Variants in XKR6 observed in about 807,000 individuals in gnomAD.
XKR6 encodes XK-related protein 6.
A neutral mutation model predicts 56.7 loss-of-function variants in XKR6; 22 were observed. The observed-to-expected ratio is 0.39, with a 90% CI of 0.28 to 0.55. The LOEUF is 0.55. Among genes scored for constraint, XKR6 ranks in the 20% least tolerant of loss-of-function variants. XKR6 has a pLI of 0.66. For missense variants in XKR6, 852 were observed against 889.0 expected, an observed-to-expected ratio of 0.96 and a Z score of 0.53; for synonymous variants, 524 against 387.8, an observed-to-expected ratio of 1.35 and a Z score of -4.13.
At chr8:10,999,648 A>C (rs1287096703) in intron 1 of XKR6, among the ~76,000 whole-genome samples, 1 of 152,210 alleles carries the variant, frequency 6.6e-6, no homozygotes, top group African/African-American at 2.4e-5. Context: ...AGTTCTAAAA[A>C]AGGATGTTCT....
chr8:11,200,841 A>G lies in XKR6; in HGVS notation c.499T>C (p.Phe167Leu). Residue 167 changes from phenylalanine (F) to leucine (L), a missense_variant, in exon 1 of 3, where the codon TTC becomes CTC. Coordinates refer to ENST00000416569, the MANE Select transcript of XKR6 (RefSeq NM_173683.4). This position sits in a 1 kb window ranked among gnomAD's most constrained non-coding sequence, Gnocchi z 6.4. ...AGCAGCGACGGCACCAGCACGAAGA[A>G]GAGGGTCAGCCCGAAGTAGACGTAG... The part of the protein sequence containing the change: ...GDYVYFGLTL[F>L]FVLVPSLLVQ... The G allele has an allele frequency of 6.2e-7, 1 of 1,612,070 alleles. No homozygotes were observed. The highest frequency in any genetic ancestry group is 1.1e-5 in the South Asian group (1 of 91,002).
intron 1 of XKR6, chr8:11,108,093 C>T (rs761508440): frequency 9.0e-6 from 3 of 333,082 alleles, no homozygotes; most frequent in African/African-American, 6.6e-5. Flanking sequence ...AATCCCAGAT[C>T]CGAAAACAGA....
Position 10,898,337 on chromosome 8 carries a change from G to A in XKR6, c.1541C>T (p.Ala514Val). The part of the protein sequence containing the change: ...RAKILASSCC[A>V]ELLWGIPLPP... The stretch of plus-strand genomic sequence containing the variant: ...CAAAGGGATGCCCCAGAGCAGCTCG[G>A]CACAACAGGAGCTGGCAAGGATCTT... Residue 514 changes from alanine to valine, a missense_variant, in exon 3 of 3, where the codon GCC becomes GTC. By Grantham distance (64) the Ala-to-Val change is moderately conservative. This residue lies in a region of XKR6 where 197 missense variants were observed against 190.9 expected (regional missense o/e 1.03). Coordinates refer to ENST00000416569, the MANE Select transcript of XKR6 (RefSeq NM_173683.4). This position sits in a 1 kb window ranked among gnomAD's most constrained non-coding sequence, Gnocchi z 6.6. 2 of 1,613,910 alleles carry A rather than the reference G, an allele frequency of 1.2e-6. No homozygotes were observed. Among genetic ancestry groups the A allele is most frequent in the East Asian group, 2.2e-5 (1 of 44,850 alleles).
intron 1 of XKR6, among the ~76,000 whole-genome samples, chr8:11,193,365 C>G (rs369455573): frequency 6.6e-6 from 1 of 151,994 alleles, no homozygotes; most frequent in East Asian, 1.9e-4. Context: ...CTGTAAAATA[C>G]CATAGGGTGC....
intron 1 of XKR6, among the ~76,000 whole-genome samples, chr8:11,136,143 G>A (rs1800380788): frequency 6.6e-6 from 1 of 152,174 alleles, no homozygotes; most frequent in Non-Finnish European, 1.5e-5. Context: ...AAAAAAGGAT[G>A]AAAAGCTTTA....
chr8:11,078,984 T>C (rs564094394), intron 1 of XKR6, among the ~76,000 whole-genome samples: 1 of 152,122 alleles, frequency 6.6e-6, no homozygotes, highest in Admixed American at 6.5e-5. Flanking sequence ...TCAGGACCAC[T>C]CCGGGGCGAG....
chr8:11,112,709 G>A (rs1211157773), intron 1 of XKR6, among the ~76,000 whole-genome samples: 4 of 152,158 alleles, frequency 2.6e-5, no homozygotes, highest in Non-Finnish European at 4.4e-5. Flanking sequence ...AAGCTGGCCT[G>A]GGGAAGCAGA....
intron 1 of XKR6, among the ~76,000 whole-genome samples, chr8:10,965,658 T>C (rs1484998527): frequency 6.6e-6 from 1 of 152,208 alleles, no homozygotes; most frequent in Non-Finnish European, 1.5e-5. Context: ...GAAGGCTTGG[T>C]GCCCGGAAGC....
At chr8:10,917,296 G>C (rs547753256) in intron 2 of XKR6, among the ~76,000 whole-genome samples, 1 of 152,102 alleles carries the variant, frequency 6.6e-6, no homozygotes, top group African/African-American at 2.4e-5. Flanking sequence ...TCTGTGCTTC[G>C]GCTTCCCTGT....
At chr8:10,978,019 C>G (rs936919241) in intron 1 of XKR6, among the ~76,000 whole-genome samples, 1 of 152,034 alleles carries the variant, frequency 6.6e-6, no homozygotes, top group African/African-American at 2.4e-5. Context: ...ACATTATAAA[C>G]CTAGTGGGTC....
chr8:10,918,283 T>C (rs1027802661), intron 2 of XKR6, among the ~76,000 whole-genome samples: 3 of 152,224 alleles, frequency 2.0e-5, no homozygotes, highest in African/African-American at 7.2e-5. Context: ...GGCTTCCCCC[T>C]GAGTGCTTGG....
chr8:11,189,562 CT>C (rs1171751880), intron 1 of XKR6, among the ~76,000 whole-genome samples: 13 of 152,156 alleles, frequency 8.5e-5, no homozygotes, highest in African/African-American at 3.1e-4. Flanking sequence ...CATTCCGCCC[CT>C]CTAAATCTAA....
intron 1 of XKR6, chr8:11,108,594 T>TG: frequency 3.0e-6 from 1 of 329,718 alleles, no homozygotes; most frequent in South Asian, 2.4e-5. Context: ...CCCGTGCTTC[T>TG]GGGGCAGCCC....
At chr8:11,085,711 G>C (rs543309826) in intron 1 of XKR6, among the ~76,000 whole-genome samples, 107 of 152,232 alleles carry the variant, frequency 7.0e-4, no homozygotes, top group African/African-American at 2.5e-3. Flanking sequence ...CCTCCCACAG[G>C]CCTCTCCTCT....
intron 1 of XKR6, among the ~76,000 whole-genome samples, chr8:10,968,276 A>T (rs1008307620): frequency 5.9e-5 from 9 of 152,264 alleles, no homozygotes; most frequent in African/African-American, 2.2e-4. Flanking sequence ...ACCAAAGAGA[A>T]AAGTGCCTCT....
At chr8:11,190,082 A>G (rs1305934117) in intron 1 of XKR6, among the ~76,000 whole-genome samples, 2 of 152,138 alleles carry the variant, frequency 1.3e-5, no homozygotes, top group African/African-American at 4.8e-5. Flanking sequence ...ACTTGAACTC[A>G]GGAGGCAGAG....
chr8:11,136,942 C>T (rs765672902), intron 1 of XKR6: 15 of 152,066 alleles, frequency 9.9e-5, no homozygotes, highest in Non-Finnish European at 1.6e-4. Context: ...TCTACAATGA[C>T]CCACCACATG....
chr8:11,182,476 A>G (rs1803041854), intron 1 of XKR6, among the ~76,000 whole-genome samples: 1 of 152,212 alleles, frequency 6.6e-6, no homozygotes, highest in Non-Finnish European at 1.5e-5. Flanking sequence ...TTTTTAGGTG[A>G]CATCTGAGAC....
At chr8:11,148,209 C>G (rs997070248) in intron 1 of XKR6, among the ~76,000 whole-genome samples, 1 of 151,950 alleles carries the variant, frequency 6.6e-6, no homozygotes, top group African/African-American at 2.4e-5. Context: ...GACCCTGTCT[C>G]AAAAACAAAC....
Sources: allele counts gnomAD v4.1 joint callset (sites outside exome capture counted in the v4.1 genomes callset), GRCh38; gene constraint gnomAD v4.1.1; regional missense constraint gnomAD v4.1.1; non-coding constraint Gnocchi (gnomAD v3.1); transcripts MANE v1.5; gene names NCBI Gene and HGNC (gene_info 2026-07-23, HGNC 2026-07-21).